Variants in CLCN5 observed in about 807,000 individuals in gnomAD.
The protein encoded by CLCN5 is H(+)/Cl(-) exchange transporter 5.
In CLCN5, 17 loss-of-function variants were observed where a neutral mutation model predicts 54.0. The ratio of observed to expected loss-of-function variants is 0.31; its 90% CI spans 0.22 to 0.47. The LOEUF (loss-of-function observed/expected upper bound fraction) is 0.47. CLCN5 is among the 20% of genes least tolerant of loss of function. The probability of loss-of-function intolerance (pLI) is 1.00; values close to 1 mark genes in which losing one functional copy is unlikely to be tolerated. For synonymous variants in CLCN5, 222 were observed against 233.0 expected (o/e 0.95, Z 0.43); for missense variants, 448 against 646.7 (o/e 0.69, Z 3.33).
chrX:50,003,293 A>C, intron 3 of CLCN5: 1 of 360,547 alleles, frequency 2.8e-6, no homozygotes, highest in Non-Finnish European at 5.6e-6. Flanking sequence ...CACCAAAGGG[A>C]GGTAGACCCT....
intron 12 of CLCN5, 132 bp downstream of exon 12, chrX:50,089,016 A>C (rs1933989436): frequency 1.7e-6 from 1 of 576,774 alleles, no homozygotes; most frequent in Non-Finnish European, 2.9e-6. Context: ...TTTTCCAAGC[A>C]CATTAAGAAA....
chrX:50,015,893 G>A (rs1236595786), intron 3 of CLCN5, among the ~76,000 whole-genome samples: 2 of 111,153 alleles, frequency 1.8e-5, no homozygotes, highest in Admixed American at 9.6e-5. Flanking sequence ...TAAACATTTG[G>A]GACTTATAGA....
At chrX:50,047,390 T>C (rs1557187860) in intron 4 of CLCN5, among the ~76,000 whole-genome samples, 2 of 111,265 alleles carry the variant, frequency 1.8e-5, no homozygotes, top group African/African-American at 6.5e-5. Flanking sequence ...AAAAAAAAAG[T>C]GGCCCATATG....
Position 50,095,926 on chromosome X carries a change from C to CTTGTT in CLCN5, c.*3725_*3729dup, listed in dbSNP as rs1306001209. 7 of 112,485 alleles carry CTTGTT rather than the reference C, an allele frequency of 6.2e-5. No individual in the cohort carries two copies. Among genetic ancestry groups the CTTGTT allele is most frequent in the South Asian group, 3.7e-4 (1 of 2,730 alleles). 9.3% of individuals were successfully genotyped at this position (112,485 alleles called of 1,213,427 possible). On this transcript the variant is annotated 3_prime_UTR_variant, in exon 15 of 15. Transcript: ENST00000376091. ...ATGCACTTGTTATCCCACACTATCT[C>CTTGTT]TTGTTTTGTTTTGTTTTGTTTTTAA...
intron 2 of CLCN5, among the ~76,000 whole-genome samples, chrX:49,924,038 A>G (rs1925203762): frequency 8.9e-6 from 1 of 112,170 alleles, no homozygotes; most frequent in African/African-American, 3.2e-5. Flanking sequence ...AGTAGGGAAG[A>G]CCAGTTTATT....
intron 11 of CLCN5, among the ~76,000 whole-genome samples, chrX:50,087,473 T>G (rs1161795209): frequency 4.5e-5 from 5 of 112,021 alleles, no homozygotes. Context: ...CTGGCACGTT[T>G]TACTTTAGGT....
chrX:49,955,680 T>C (rs1455003835), intron 3 of CLCN5, among the ~76,000 whole-genome samples: 1 of 111,945 alleles, frequency 8.9e-6, no homozygotes, highest in Non-Finnish European at 1.9e-5. Context: ...TTAAACTGAC[T>C]TTCAACATGG....
chrX:50,068,620 G>A (rs782563078), intron 4 of CLCN5, among the ~76,000 whole-genome samples: 169 of 110,251 alleles, frequency 1.5e-3, no homozygotes, highest in Non-Finnish European at 2.4e-3. Flanking sequence ...AGCTTGGGGT[G>A]TTCCTTCAAA....
At chrX:50,087,019 C>G in intron 11 of CLCN5, 149 bp downstream of exon 11, 2 of 539,861 alleles carry the variant, frequency 3.7e-6, no homozygotes, top group Non-Finnish European at 6.1e-6. Context: ...TCTTTTACCC[C>G]ACACGTTCTC....
At chrX:49,947,937 T>C (rs951377796) in intron 3 of CLCN5, among the ~76,000 whole-genome samples, 3 of 111,081 alleles carry the variant, frequency 2.7e-5, no homozygotes, top group African/African-American at 9.8e-5. Flanking sequence ...TTTTCCCGTT[T>C]TGGGTTGTGT....
At chrX:50,085,321 A>G (rs1557193731) in intron 9 of CLCN5, 2 of 114,553 alleles carry the variant, frequency 1.7e-5, no homozygotes. Flanking sequence ...AAGTATCACT[A>G]TTCTTTCTCT....
chrX:49,944,462 A>G lies in CLCN5; in HGVS notation c.16+19148A>G, dbSNP rs781789028. 5.4e-5 allele frequency among the ~76,000 whole-genome samples: 6 copies of G among 111,615 alleles called. No homozygotes were observed. The East Asian group carries it at 1.7e-3, about 31-fold the overall frequency. On this transcript the variant is annotated intron_variant, in intron 3 of 14. Transcript: ENST00000376091. ...CTATGTTGAATAGGAGTGGTGAGAG[A>G]GGTCATCCCTGTCTTGTGCCAGTTT...
At chrX:50,011,962 A>G (rs1930528433) in intron 3 of CLCN5, among the ~76,000 whole-genome samples, 1 of 111,209 alleles carries the variant, frequency 9.0e-6, no homozygotes, top group Non-Finnish European at 1.9e-5. Flanking sequence ...CATAGAGCGA[A>G]GAACACCTGT....
At chrX:50,084,377 T>G (rs1012562621) in intron 9 of CLCN5, among the ~76,000 whole-genome samples, 9 of 111,049 alleles carry the variant, frequency 8.1e-5, no homozygotes, top group African/African-American at 2.6e-4. Context: ...GTTTTTTTTG[T>G]TTTTGTTTTT....
At chrX:50,078,985 G>A (rs1327687228) in intron 7 of CLCN5, among the ~76,000 whole-genome samples, 1 of 111,293 alleles carries the variant, frequency 9.0e-6, no homozygotes, top group South Asian at 3.8e-4. Flanking sequence ...ACCACGCCCG[G>A]CTAATTTTTT....
At chrX:50,050,830 AT>A (rs1932561307) in intron 4 of CLCN5, among the ~76,000 whole-genome samples, 1 of 108,340 alleles carries the variant, frequency 9.2e-6, no homozygotes, top group African/African-American at 3.4e-5. Flanking sequence ...CGCCTGGCTA[AT>A]TTTTTGTATT....
intron 14 of CLCN5, 77 bp from the exon 15 acceptor site, chrX:50,092,052 G>A (rs1934120531): frequency 1.4e-6 from 1 of 726,432 alleles, no homozygotes; most frequent in Non-Finnish European, 2.1e-6. Flanking sequence ...GGACTGAGGA[G>A]GACAAGTATC....
chrX:50,066,013 G>A (rs1932997531), intron 4 of CLCN5, among the ~76,000 whole-genome samples: 1 of 89,641 alleles, frequency 1.1e-5, no homozygotes, highest in South Asian at 6.6e-4. Context: ...GGACTGTGGT[G>A]GGGAGGGGGG....
At chrX:49,952,536 G>GTT (rs1927087195) in intron 3 of CLCN5, among the ~76,000 whole-genome samples, 1 of 109,123 alleles carries the variant, frequency 9.2e-6, no homozygotes, top group Non-Finnish European at 1.9e-5. Context: ...TGCTAATAGA[G>GTT]TTTTGCCCCA....
Sources: allele counts gnomAD v4.1 joint callset (sites outside exome capture counted in the v4.1 genomes callset), GRCh38; gene constraint gnomAD v4.1.1; transcripts MANE v1.5; gene names NCBI Gene and HGNC (gene_info 2026-07-23, HGNC 2026-07-21).